The following TSPAN11 variants were observed in gnomAD, a reference collection of about 807,000 sequenced individuals.
TSPAN11 encodes tetraspanin-11.
TSPAN11 carries 29 observed loss-of-function variants against 32.9 expected under a neutral mutation model. The observed-to-expected ratio is 0.88, with a 90% CI of 0.66 to 1.20. The LOEUF (loss-of-function observed/expected upper bound fraction) is 1.20, where lower values mean the gene tolerates loss of function less well. Ranked by LOEUF, TSPAN11 falls within the 50% of genes most tolerant of loss-of-function variation. The probability of loss-of-function intolerance (pLI) is 0.00; values close to 1 mark genes in which losing one functional copy is unlikely to be tolerated. For synonymous variants in TSPAN11, 140 were observed against 141.3 expected (o/e 0.99, Z 0.07); for missense variants, 283 against 329.1 (o/e 0.86, Z 1.08).
intron 3 of TSPAN11, among the ~76,000 whole-genome samples, chr12:30,976,021 A>T (rs963759000): frequency 5.9e-5 from 9 of 152,202 alleles, no homozygotes; most frequent in Non-Finnish European, 2.9e-5. Context: ...AGGGCCCAGC[A>T]GCGCATGGCA....
chr12:30,984,716 G>A (rs1423573174), intron 7 of TSPAN11, among the ~76,000 whole-genome samples: 4 of 151,828 alleles, frequency 2.6e-5, no homozygotes, highest in Non-Finnish European at 5.9e-5. Flanking sequence ...CCACCACCAC[G>A]CCGCCTAGTT....
In TSPAN11 at chr12:30,926,824, G is replaced by C. The variant is rs572818850; in HGVS notation, c.-12+28G>C. Reference sequence around the variant, plus strand: ...AAGTGCAGAAGCGCGCCCGAGGAGTGGGGGCGCCGCGGGAGGGGGCTGGGG... The same window carrying C: ...AAGTGCAGAAGCGCGCCCGAGGAGTCGGGGCGCCGCGGGAGGGGGCTGGGG... On this transcript the variant is annotated intron_variant, in intron 1 of 7. Transcript: ENST00000546076. 54 of 708,620 alleles carry C rather than the reference G, an allele frequency of 7.6e-5. No homozygotes were observed. In the African/African-American group the frequency reaches 8.8e-4, roughly 12 times the overall value. The allele number at this position is 708,620 out of a possible 1,614,324, so 43.9% of individuals were successfully genotyped here. A position where few individuals can be genotyped will look rare whatever the true frequency, so the allele number is the denominator to read the frequency against.
At chr12:30,989,301 A>G (rs1408827230) in intron 7 of TSPAN11, among the ~76,000 whole-genome samples, 1 of 152,208 alleles carries the variant, frequency 6.6e-6, no homozygotes, top group African/African-American at 2.4e-5. Flanking sequence ...AGGAAGTGAT[A>G]TCTCATTAAG....
chr12:30,959,873 C>G (rs1178778071), intron 2 of TSPAN11, among the ~76,000 whole-genome samples: 2 of 151,128 alleles, frequency 1.3e-5, no homozygotes, highest in Non-Finnish European at 2.9e-5. Context: ...GTAAGAGCAC[C>G]GAGGCCATGC....
chr12:31,012,044 T>C, the TSPAN11 span, among the ~76,000 whole-genome samples: 1 of 152,192 alleles, frequency 6.6e-6, no homozygotes, highest in Admixed American at 6.5e-5. Context: ...CATGCACAGC[T>C]CACTCCAGGC....
intron 1 of TSPAN11, among the ~76,000 whole-genome samples, chr12:30,934,360 C>T (rs1490880357): frequency 6.6e-6 from 1 of 152,198 alleles, no homozygotes; most frequent in Admixed American, 6.5e-5. Context: ...TCCAAAAAGT[C>T]CATCCAGGCT....
chr12:30,955,799 A>G (rs1592473138), intron 2 of TSPAN11, among the ~76,000 whole-genome samples: 1 of 152,284 alleles, frequency 6.6e-6, no homozygotes, highest in East Asian at 1.9e-4. Flanking sequence ...CTGTCTTCAC[A>G]TGATGTTTTC....
intron 2 of TSPAN11, 45 bp downstream of exon 2, chr12:30,954,120 G>A (rs1327064845): frequency 6.9e-7 from 1 of 1,455,060 alleles, no homozygotes; most frequent in South Asian, 1.1e-5. Context: ...AGCACTGAAT[G>A]AGTCAAGCCA....
At chr12:30,948,249 A>G (rs769517294) in intron 1 of TSPAN11, among the ~76,000 whole-genome samples, 18 of 152,238 alleles carry the variant, frequency 1.2e-4, no homozygotes, top group Middle Eastern at 3.4e-3. Flanking sequence ...CTGTTGGTGG[A>G]TCTACCATTC....
At chr12:30,941,263 G>C (rs1191418227) in intron 1 of TSPAN11, among the ~76,000 whole-genome samples, 12 of 152,230 alleles carry the variant, frequency 7.9e-5, no homozygotes, top group Admixed American at 7.9e-4. Context: ...CCTTGCGTAT[G>C]CATGGATTTT....
chr12:30,935,812 G>A (rs1302133984), intron 1 of TSPAN11, among the ~76,000 whole-genome samples: 2 of 152,138 alleles, frequency 1.3e-5, no homozygotes, highest in Non-Finnish European at 2.9e-5. Context: ...GGTGCAGTTA[G>A]GCAGCCTGGG....
intron 1 of TSPAN11, among the ~76,000 whole-genome samples, chr12:30,944,416 A>C (rs1377339499): frequency 1.3e-5 from 2 of 152,098 alleles, no homozygotes; most frequent in African/African-American, 4.8e-5. Flanking sequence ...AGGAACCACC[A>C]TTCTATTTCT....
chr12:30,980,353 C>T (rs1239671444), intron 5 of TSPAN11, among the ~76,000 whole-genome samples: 1 of 152,216 alleles, frequency 6.6e-6, no homozygotes, highest in East Asian at 1.9e-4. Context: ...TCCTCAGTTA[C>T]ACCAACCACA....
At chr12:31,012,294 TG>T in the TSPAN11 span, among the ~76,000 whole-genome samples, 2 of 152,248 alleles carry the variant, frequency 1.3e-5, no homozygotes, top group Non-Finnish European at 2.9e-5. Flanking sequence ...GCAGCTCTCC[TG>T]GTGGTGGGAC....
intron 1 of TSPAN11, among the ~76,000 whole-genome samples, chr12:30,941,237 C>T (rs925469866): frequency 2.6e-5 from 4 of 152,328 alleles, no homozygotes; most frequent in East Asian, 1.9e-4. Flanking sequence ...AAGGGTTCTG[C>T]GGGACCGACT....
chr12:30,947,183 G>A (rs1256854664), intron 1 of TSPAN11, among the ~76,000 whole-genome samples: 1 of 152,204 alleles, frequency 6.6e-6, no homozygotes, highest in African/African-American at 2.4e-5. Context: ...CCCATCTCAT[G>A]TGTCACTCTC....
intron 1 of TSPAN11, among the ~76,000 whole-genome samples, chr12:30,940,427 A>T (rs761904302): frequency 1.6e-4 from 24 of 152,210 alleles, no homozygotes; most frequent in Non-Finnish European, 3.1e-4. Context: ...GGCATGCCTC[A>T]GACTTCATTA....
chr12:30,934,995 C>G (rs1405589263), intron 1 of TSPAN11, among the ~76,000 whole-genome samples: 1 of 152,138 alleles, frequency 6.6e-6, no homozygotes, highest in Non-Finnish European at 1.5e-5. Context: ...CAGCAGATGT[C>G]CCTTGCATCA....
chr12:30,951,086 G>T (rs188105399), intron 1 of TSPAN11, among the ~76,000 whole-genome samples: 2 of 152,308 alleles, frequency 1.3e-5, no homozygotes, highest in Admixed American at 1.3e-4. Flanking sequence ...GGATATAGAA[G>T]ACGTGAAAAG....
Sources: gnomAD v4.1 joint callset for allele counts (sites outside exome capture counted in the v4.1 genomes callset) on GRCh38, gnomAD v4.1.1 for gene constraint, MANE v1.5 for transcripts, NCBI Gene and HGNC (gene_info 2026-07-23, HGNC 2026-07-21) for gene names.